Variants in SI observed in about 807,000 individuals in gnomAD.
The protein encoded by SI is sucrase-isomaltase, intestinal.
SI carries 235 observed loss-of-function variants against 253.3 expected under a neutral mutation model. That is an observed-to-expected ratio of 0.93 (90% CI 0.83 to 1.03). The LOEUF (loss-of-function observed/expected upper bound fraction) is 1.03. SI is among the 50% of genes least tolerant of loss of function. The probability of loss-of-function intolerance (pLI) is 0.00; values close to 1 mark genes in which losing one functional copy is unlikely to be tolerated. For synonymous variants in SI, 819 were observed against 712.0 expected (o/e 1.15, Z -2.39); for missense variants, 2,442 against 2,211.1 (o/e 1.10, Z -2.09).
rs769030904 is a variant in SI at position 165,023,665 on chromosome 3, T to G, written c.3004A>C (p.Asn1002His). 6.2e-7 allele frequency: 1 copy of G among 1,610,760 alleles called. No homozygotes were observed. The highest frequency in any genetic ancestry group is 8.5e-7 in the Non-Finnish European group (1 of 1,177,934). The change falls in exon 26 of 48, where the codon AAT becomes CAT. Residue 1002 changes from asparagine (N) to histidine (H), a missense_variant. By Grantham distance (68) the Asn-to-His change is moderately conservative (BLOSUM62 1). Coordinates refer to ENST00000264382, the MANE Select transcript of SI (RefSeq NM_001041.4). ...AACTTTATTCTGGCATTTGCAGTATTTAGTTGGAGGTCAGCTGTTATACCC... is the reference window on the plus strand; with the variant it reads ...AACTTTATTCTGGCATTTGCAGTATGTAGTTGGAGGTCAGCTGTTATACCC... ...SMGITADLQL[N>H]TANARIKLPS... is the part of the protein sequence containing the mutation.
intron 13 of SI, among the ~76,000 whole-genome samples, chr3:165,050,471 G>C (rs1019224360): frequency 2.0e-5 from 3 of 152,210 alleles, no homozygotes; most frequent in African/African-American, 7.2e-5. Context: ...AAGAAATAGT[G>C]GTGGGATATT....
intron 29 of SI, 21 bp from the exon 30 acceptor site, chr3:165,017,894 C>A: frequency 6.3e-7 from 1 of 1,589,074 alleles, no homozygotes; most frequent in Non-Finnish European, 8.6e-7. Flanking sequence ...AAAATAACAT[C>A]CCATTTTCAT....
intron 5 of SI, among the ~76,000 whole-genome samples, chr3:165,068,061 T>TAA (rs138935942): frequency 6.6e-6 from 1 of 151,722 alleles, no homozygotes; most frequent in African/African-American, 2.4e-5. Flanking sequence ...AACTACGTGC[T>TAA]AAAAAAAAGA....
rs548772030 is a variant in SI, at chr3:165,015,112, C to T, written c.3999+11G>A. Reference sequence around the variant, plus strand: ...TTGTATTTATTCTATTTCAAGATATCGATTTAGTACCTTTGCCCAACAAAT... The same window carrying T: ...TTGTATTTATTCTATTTCAAGATATTGATTTAGTACCTTTGCCCAACAAAT... On this transcript the variant is annotated intron_variant, in intron 33 of 47. Coordinates refer to ENST00000264382, the MANE Select transcript of SI (RefSeq NM_001041.4). 8.3e-6 allele frequency: 13 copies of T among 1,570,588 alleles called. No homozygotes were observed. The highest frequency in any genetic ancestry group is 6.7e-5 in the Admixed American group (4 of 59,930).
chr3:164,992,148 T>C (rs2108127034), intron 43 of SI, 29 bp downstream of exon 43: 3 of 1,575,940 alleles, frequency 1.9e-6, no homozygotes, highest in Non-Finnish European at 2.6e-6. Context: ...TCTGTTTAGT[T>C]AATTCCCCAG....
At chr3:165,080,966 A>G (rs545615498), upstream of SI, among the ~76,000 whole-genome samples, 4 of 151,974 alleles carry the variant, frequency 2.6e-5, no homozygotes, top group Non-Finnish European at 4.4e-5. Flanking sequence ...GAATTTGTGT[A>G]CCTTCTATTT....
At chr3:165,009,474 A>C (rs1485628518) in intron 34 of SI, 79 bp from the exon 35 acceptor site, 1 of 802,458 alleles carries the variant, frequency 1.2e-6, no homozygotes, top group Non-Finnish European at 2.2e-6. Flanking sequence ...TGTATTTGAC[A>C]GATCCACAAG....
At chr3:165,010,333 G>A (rs904056561) in intron 34 of SI, among the ~76,000 whole-genome samples, 1 of 151,900 alleles carries the variant, frequency 6.6e-6, no homozygotes, top group African/African-American at 2.4e-5. Context: ...CTAATTTTTT[G>A]TATTTTTAGT....
chr3:165,049,357 G>T, intron 14 of SI, 113 bp from the exon 15 acceptor site: 1 of 738,252 alleles, frequency 1.4e-6, no homozygotes, highest in Middle Eastern at 3.6e-4. Context: ...TTCCATATTT[G>T]GTTAAAAACA....
rs140861198 is a variant in SI at position 165,002,871 on chromosome 3, A to T, written c.4406+3945T>A. 3.9e-4 allele frequency among the ~76,000 whole-genome samples: 60 copies of T among 151,952 alleles called. No individual in the cohort carries two copies. In the East Asian group the frequency reaches 0.012, roughly 29 times the overall value. On this transcript the variant is annotated intron_variant, in intron 37 of 47. Transcript: ENST00000264382. ...TCCAATTAATCTACTCAATTTAAGT[A>T]ATGTGATTGAAACTTGCACTGAAAA...
At chr3:164,997,598 G>A (rs1302982753) in intron 38 of SI, among the ~76,000 whole-genome samples, 1 of 151,606 alleles carries the variant, frequency 6.6e-6, no homozygotes, top group Non-Finnish European at 1.5e-5. Flanking sequence ...CAGATAATAA[G>A]CATAGTACTT....
intron 25 of SI, among the ~76,000 whole-genome samples, chr3:165,026,118 C>T (rs561144670): frequency 2.6e-4 from 39 of 151,232 alleles, no homozygotes; most frequent in South Asian, 1.0e-3. Flanking sequence ...CTCACACAAA[C>T]TCAAGATAAA....
chr3:164,999,913 C>T (rs1024845882), intron 37 of SI, among the ~76,000 whole-genome samples: 2 of 151,098 alleles, frequency 1.3e-5, no homozygotes, highest in African/African-American at 4.8e-5. Flanking sequence ...TTTAAAAAAC[C>T]AATAAAAGAA....
At chr3:164,986,111 T>A (rs1717420955) in intron 45 of SI, among the ~76,000 whole-genome samples, 1 of 152,172 alleles carries the variant, frequency 6.6e-6, no homozygotes. Context: ...GTTTCTGGAC[T>A]ACCTCCTTGT....
At chr3:165,024,425 T>G (rs1711792188) in intron 25 of SI, among the ~76,000 whole-genome samples, 2 of 151,246 alleles carry the variant, frequency 1.3e-5, no homozygotes, top group African/African-American at 4.8e-5. Context: ...AATTATTATA[T>G]TTTGGAGAGA....
At chr3:165,071,809 G>A (rs1714595904) in intron 3 of SI, among the ~76,000 whole-genome samples, 1 of 152,092 alleles carries the variant, frequency 6.6e-6, no homozygotes, top group Non-Finnish European at 1.5e-5. Flanking sequence ...GCGAGAAAGA[G>A]AGGCCTCACT....
intron 28 of SI, among the ~76,000 whole-genome samples, chr3:165,018,780 G>T (rs1430911218): frequency 1.3e-5 from 2 of 151,470 alleles, no homozygotes; most frequent in Admixed American, 1.3e-4. Flanking sequence ...AAATGCTGAA[G>T]GGATTTTAAG....
In SI at chr3:165,069,178, T is replaced by A; in HGVS notation, c.273A>T (p.Arg91Ser). The A allele has an allele frequency of 6.2e-7, 1 of 1,611,014 alleles. No homozygotes were observed. The highest frequency in any genetic ancestry group is 8.5e-7 in the Non-Finnish European group (1 of 1,177,388). The change falls in exon 4 of 48, where the codon AGA becomes AGT. Residue 91 changes from arginine (R) to serine (S), a missense_variant. Transcript: ENST00000264382. Reference sequence around the variant, plus strand: ...CATTCCACGGCCTCCAGCAGCAGCCTCTCTGTGCACAAATTCCCTGATAAA... The same window carrying A: ...CATTCCACGGCCTCCAGCAGCAGCCACTCTGTGCACAAATTCCCTGATAAA... ...QFPTEGICAQ[R>S]GCCWRPWNDS...
intron 25 of SI, among the ~76,000 whole-genome samples, chr3:165,025,591 C>A (rs1039463717): frequency 6.6e-6 from 1 of 151,076 alleles, no homozygotes; most frequent in Non-Finnish European, 1.5e-5. Flanking sequence ...ATCTTAAGAG[C>A]TGTGAGGCAA....
Sources: allele counts gnomAD v4.1 joint callset (sites outside exome capture counted in the v4.1 genomes callset), GRCh38; gene constraint gnomAD v4.1.1; transcripts MANE v1.5; gene names NCBI Gene and HGNC (gene_info 2026-07-23, HGNC 2026-07-21).